The following NAIF1 variants were observed in gnomAD, a reference collection of about 807,000 sequenced individuals.
NAIF1 encodes the protein nuclear apoptosis-inducing factor 1.
NAIF1 carries 14 observed loss-of-function variants against 20.7 expected under a neutral mutation model. That is an observed-to-expected ratio of 0.67 (90% CI 0.45 to 1.05). The LOEUF is 1.05. Ranked by LOEUF, NAIF1 falls within the 50% of genes least tolerant of loss-of-function variation. The pLI is 0.00. For synonymous variants in NAIF1, 191 were observed against 191.4 expected, an observed-to-expected ratio of 1.00 and a Z score of 0.02; for missense variants, 362 against 448.8, an observed-to-expected ratio of 0.81 and a Z score of 1.75.
chr9:128,064,257 T>A (rs1832753614), intron 1 of NAIF1, among the ~76,000 whole-genome samples: 1 of 150,974 alleles, frequency 6.6e-6, no homozygotes. Context: ...CCCGGCTAAT[T>A]TTTTGTATTT....
rs1564171583 is a variant in NAIF1, at chr9:128,063,041, G to C, written c.*387C>G. The C allele has an allele frequency of 1.3e-5, 3 of 228,756 alleles. No homozygotes were observed. The highest frequency in any genetic ancestry group is 1.7e-4 in the South Asian group (2 of 11,764). 14.2% of individuals were successfully genotyped at this position (228,756 alleles called of 1,614,324 possible). ...ACCCTACTCGAAAGGATGGCACCTG[G>C]GGTTGGGCAGCTCAGTAGAGACCCA... On this transcript the variant is annotated 3_prime_UTR_variant, in exon 2 of 2. Transcript: ENST00000373078. The surrounding 1 kb of genome is among the most constrained non-coding windows in gnomAD (Gnocchi z 4.3).
chr9:128,064,375 C>T (rs780899425), intron 1 of NAIF1, among the ~76,000 whole-genome samples: 55 of 152,098 alleles, frequency 3.6e-4, no homozygotes, highest in Non-Finnish European at 7.1e-4. Flanking sequence ...CGCGCCTGGC[C>T]GGGGTTCAGA....
Position 128,067,118 on chromosome 9 carries a change from T to A in NAIF1, c.-17A>T, listed in dbSNP as rs765822136. 2.6e-6 allele frequency: 4 copies of A among 1,565,636 alleles called. No individual in the cohort carries two copies. Among genetic ancestry groups the A allele is most frequent in the Non-Finnish European group, 3.5e-6 (4 of 1,153,284 alleles). On this transcript the variant is annotated 5_prime_UTR_variant, in exon 1 of 2. Coordinates refer to ENST00000373078, the MANE Select transcript of NAIF1 (RefSeq NM_197956.4). ...GACGGCCATGGCCTCTCCCCTCCCC[T>A]CTTTTTAAAGAAATTATAATCCCCT...
chr9:128,066,325 G>A (rs537663659), intron 1 of NAIF1: 26 of 389,528 alleles, frequency 6.7e-5, no homozygotes, highest in Non-Finnish European at 9.5e-5. Flanking sequence ...CACCCAGTTC[G>A]GCAAGTGGAG....
At chr9:128,064,876 C>A (rs1409840229) in intron 1 of NAIF1, among the ~76,000 whole-genome samples, 1 of 152,068 alleles carries the variant, frequency 6.6e-6, no homozygotes, top group African/African-American at 2.4e-5. Flanking sequence ...GTGGCGCATG[C>A]CTGTAATCCC....
In NAIF1 at chr9:128,063,494, G is replaced by A. The variant is rs776906567; in HGVS notation, c.918C>T (p.Asn306=). The change falls in exon 2 of 2, where the codon AAC becomes AAT. Residue 306 remains asparagine, a synonymous_variant. Transcript: ENST00000373078. The surrounding 1 kb of genome is among the most constrained non-coding windows in gnomAD (Gnocchi z 4.3). ...FRRYLQSNTA[N]PAPASDPGQV... is the part of the protein sequence containing the mutation. ...GCCCAGGGTCAGAGGCGGGGGCCGG[G>A]TTAGCTGTGTTGCTCTGCAGGTAGC... is the stretch of plus-strand genomic sequence containing the variant. 6.2e-7 allele frequency: 1 copy of A among 1,609,832 alleles called. No individual in the cohort carries two copies. Among genetic ancestry groups the A allele is most frequent in the East Asian group, 2.2e-5 (1 of 44,888 alleles).
Position 128,063,969 on chromosome 9 carries a change from G to C in NAIF1, c.512-69C>G. The C allele has an allele frequency of 7.1e-7, 1 of 1,411,226 alleles. No individual in the cohort carries two copies. Among genetic ancestry groups the C allele is most frequent in the Non-Finnish European group, 9.7e-7 (1 of 1,034,088 alleles). 87.4% of individuals were successfully genotyped at this position (1,411,226 alleles called of 1,614,324 possible). ...GAAGGAATAAAGCTGGCTGTATGGG[G>C]TGGGGAGGAGGCCATAAAGTCCTGT... On this transcript the variant is annotated intron_variant, in intron 1 of 1. Coordinates refer to ENST00000373078, the MANE Select transcript of NAIF1 (RefSeq NM_197956.4). The surrounding 1 kb of genome is among the most constrained non-coding windows in gnomAD (Gnocchi z 4.3).
intron 1 of NAIF1, 89 bp downstream of exon 1, chr9:128,066,502 C>T: frequency 1.4e-6 from 2 of 1,402,564 alleles, no homozygotes; most frequent in Non-Finnish European, 1.9e-6. Context: ...TGACCTCTGA[C>T]CCTTGGCAGC....
Position 128,063,308 on chromosome 9 carries a change from T to G in NAIF1, c.*120A>C. 1 of 904,176 alleles carries G rather than the reference T, an allele frequency of 1.1e-6. No individual in the cohort carries two copies. The highest frequency in any genetic ancestry group is 1.7e-6 in the Non-Finnish European group (1 of 597,170). The allele number at this position is 904,176 out of a possible 1,614,324, so 56.0% of individuals were successfully genotyped here. On this transcript the variant is annotated 3_prime_UTR_variant, in exon 2 of 2. Transcript: ENST00000373078. This position sits in a 1 kb window ranked among gnomAD's most constrained non-coding sequence, Gnocchi z 4.3. The stretch of plus-strand genomic sequence containing the variant: ...TCAAAAACAGTGCAACCCCTAAGCG[T>G]TTATTAAAGAGGGAGCTGTGCACGT...
In NAIF1 at chr9:128,063,845, C is replaced by T. The variant is rs761254168; in HGVS notation, c.567G>A (p.Thr189=). The T allele has an allele frequency of 3.1e-6, 5 of 1,611,628 alleles. No individual in the cohort carries two copies. In the South Asian group the frequency reaches 3.3e-5, roughly 11 times the overall value. ...GTGGCAGAGGTGGGGGCGCCTCAGC[C>T]GTGCAGTACTCCACCACGCCCTCCT... ...TLEEGVVEYC[T]AEAPPPLPPE... Residue 189 remains threonine, a synonymous_variant, in exon 2 of 2, where the codon ACG becomes ACA. Coordinates refer to ENST00000373078, the MANE Select transcript of NAIF1 (RefSeq NM_197956.4). This position sits in a 1 kb window ranked among gnomAD's most constrained non-coding sequence, Gnocchi z 4.3.
In NAIF1 at chr9:128,063,866, C is replaced by T; in HGVS notation, c.546G>A (p.Glu182=). 1.2e-6 allele frequency: 2 copies of T among 1,609,254 alleles called. No homozygotes were observed. The highest frequency in any genetic ancestry group is 1.7e-6 in the Non-Finnish European group (2 of 1,180,002). Reference sequence around the variant, plus strand: ...CAGCCGTGCAGTACTCCACCACGCCCTCCTCCAGCGTGTGATAGGTGGTCT... The same window carrying T: ...CAGCCGTGCAGTACTCCACCACGCCTTCCTCCAGCGTGTGATAGGTGGTCT... The part of the protein sequence containing the change: ...PTETTYHTLE[E]GVVEYCTAEA... The change falls in exon 2 of 2, where the codon GAG becomes GAA. Residue 182 remains glutamate (E), a synonymous_variant. Coordinates refer to ENST00000373078, the MANE Select transcript of NAIF1 (RefSeq NM_197956.4). This position sits in a 1 kb window ranked among gnomAD's most constrained non-coding sequence, Gnocchi z 4.3.
At position 128,063,560 on chromosome 9, in the gene NAIF1, G is replaced by A. The variant is rs1326281352; in HGVS notation, c.852C>T (p.Val284=). Residue 284 remains valine, a synonymous_variant, in exon 2 of 2, where the codon GTC becomes GTT. Transcript: ENST00000373078. This position sits in a 1 kb window ranked among gnomAD's most constrained non-coding sequence, Gnocchi z 4.3. Reference sequence around the variant, plus strand: ...TCATAGGCCGGAGGACCTGGATGAGGACGCTCAGGGCAGCCTGTGTGCCCT... The same window carrying A: ...TCATAGGCCGGAGGACCTGGATGAGAACGCTCAGGGCAGCCTGTGTGCCCT... The part of the protein sequence containing the change: ...AMEGTQAALS[V]LIQVLRPMIK... The A allele has an allele frequency of 1.9e-6, 3 of 1,611,676 alleles. No homozygotes were observed. Among genetic ancestry groups the A allele is most frequent in the Non-Finnish European group, 2.5e-6 (3 of 1,180,038 alleles).
rs7852659 is a variant in NAIF1, at chr9:128,067,285, C to G, written c.-184G>C. On this transcript the variant is annotated 5_prime_UTR_variant, in exon 1 of 2. Transcript: ENST00000373078. ...TACGCAAAGTGCGTAGGGCCCAGCC[C>G]CGACCGGCCCGGCCGCTGCCAGCCA... 2 of 659,736 alleles carry G rather than the reference C, an allele frequency of 3.0e-6. No individual in the cohort carries two copies. Among genetic ancestry groups the G allele is most frequent in the Admixed American group, 3.4e-5 (1 of 29,082 alleles). 40.9% of individuals were successfully genotyped at this position (659,736 alleles called of 1,614,324 possible). A position where few individuals can be genotyped will look rare whatever the true frequency, so the allele number is the denominator to read the frequency against.
chr9:128,066,756 C>A lies in NAIF1; in HGVS notation c.346G>T (p.Gly116Cys). 1 of 1,608,400 alleles carries A rather than the reference C, an allele frequency of 6.2e-7. No individual in the cohort carries two copies. Among genetic ancestry groups the A allele is most frequent in the East Asian group, 2.2e-5 (1 of 44,818 alleles). ...AGCACTGGGGCTACAGCTGGGCCACCGCCACCACTGCCACCGCCTGTCCCA... is the reference window on the plus strand; with the variant it reads ...AGCACTGGGGCTACAGCTGGGCCACAGCCACCACTGCCACCGCCTGTCCCA... ...GPGTGGGSGG[G>C]GPAVAPVLLT... Residue 116 changes from glycine to cysteine, a missense_variant, in exon 1 of 2, where the codon GGT (glycine) becomes TGT (cysteine). Around this residue, in one of 3 missense-constraint regions of NAIF1, gnomAD observed 300 missense variants for 342.7 expected, o/e 0.88. Coordinates refer to ENST00000373078, the MANE Select transcript of NAIF1 (RefSeq NM_197956.4).
rs1191564091 is a variant in NAIF1, at chr9:128,061,818, A to G, written c.*1610T>C. On this transcript the variant is annotated 3_prime_UTR_variant, in exon 2 of 2. Transcript: ENST00000373078. ...GGAGATGCAAGGGCCTTGGTAATTG[A>G]TGGTGAGTCTGAAAATGAAACAGAC... The G allele has an allele frequency of 6.6e-6, 1 of 152,204 alleles. No homozygotes were observed. The highest frequency in any genetic ancestry group is 1.5e-5 in the Non-Finnish European group (1 of 68,062). 9.4% of individuals were successfully genotyped at this position (152,204 alleles called of 1,614,324 possible).
chr9:128,064,298 G>C (rs569170657), intron 1 of NAIF1, among the ~76,000 whole-genome samples: 1 of 151,346 alleles, frequency 6.6e-6, no homozygotes, highest in South Asian at 2.1e-4. Flanking sequence ...CCGTGGTCTC[G>C]ATCTCCTGAC....
In NAIF1 at chr9:128,063,310, T is replaced by G. The variant is rs1439806558; in HGVS notation, c.*118A>C. ...AAAAACAGTGCAACCCCTAAGCGTTTATTAAAGAGGGAGCTGTGCACGTGG... is the reference window on the plus strand; with the variant it reads ...AAAAACAGTGCAACCCCTAAGCGTTGATTAAAGAGGGAGCTGTGCACGTGG... On this transcript the variant is annotated 3_prime_UTR_variant, in exon 2 of 2. Transcript: ENST00000373078. The surrounding 1 kb of genome is among the most constrained non-coding windows in gnomAD (Gnocchi z 4.3). 2 of 921,202 alleles carry G rather than the reference T, an allele frequency of 2.2e-6. No homozygotes were observed. Among genetic ancestry groups the G allele is most frequent in the Non-Finnish European group, 3.3e-6 (2 of 611,664 alleles). 57.1% of individuals were successfully genotyped at this position (921,202 alleles called of 1,614,324 possible). A position where few individuals can be genotyped will look rare whatever the true frequency, so the allele number is the denominator to read the frequency against.
chr9:128,065,840 C>G (rs893882886), intron 1 of NAIF1, among the ~76,000 whole-genome samples: 2 of 152,150 alleles, frequency 1.3e-5, no homozygotes, highest in Non-Finnish European at 2.9e-5. Flanking sequence ...CTGTATGGGC[C>G]TCCGCGCATG....
intron 1 of NAIF1, among the ~76,000 whole-genome samples, chr9:128,064,972 T>C (rs927178707): frequency 1.2e-5 from 1 of 86,758 alleles, no homozygotes; most frequent in Non-Finnish European, 3.2e-5. Flanking sequence ...CTCCATCTCA[T>C]AAAAGAAAGA....
Sources: gnomAD v4.1 joint callset for allele counts (sites outside exome capture counted in the v4.1 genomes callset) on GRCh38, gnomAD v4.1.1 for gene constraint, gnomAD v4.1.1 regional missense constraint, Gnocchi (gnomAD v3.1) non-coding constraint, MANE v1.5 for transcripts, NCBI Gene and HGNC (gene_info 2026-07-23, HGNC 2026-07-21) for gene names.